SLC8A3: variants seen among roughly 807,000 people sequenced by gnomAD.
SLC8A3 encodes sodium/calcium exchanger 3.
A neutral mutation model predicts 65.4 loss-of-function variants in SLC8A3; 37 were observed. The ratio of observed to expected loss-of-function variants is 0.57; its 90% confidence interval spans 0.44 to 0.74. The LOEUF is 0.74. Among genes scored for constraint, SLC8A3 ranks in the 30% least tolerant of loss-of-function variants. The probability of loss-of-function intolerance (pLI) is 0.00; values close to 1 mark genes in which losing one functional copy is unlikely to be tolerated. For synonymous variants in SLC8A3, 461 were observed against 444.5 expected (o/e 1.04, Z -0.47); for missense variants, 1,112 against 1,172.1 (o/e 0.95, Z 0.75).
At chr14:70,180,622 A>G (rs1882669322) in intron 1 of SLC8A3, among the ~76,000 whole-genome samples, 1 of 152,198 alleles carries the variant, frequency 6.6e-6, no homozygotes, top group Non-Finnish European at 1.5e-5. Flanking sequence ...GGGTAGGTGG[A>G]GCATCTAGAA....
At chr14:70,146,926 C>T (rs774608543) in intron 2 of SLC8A3, among the ~76,000 whole-genome samples, 10 of 152,176 alleles carry the variant, frequency 6.6e-5, no homozygotes, top group East Asian at 1.9e-4. Flanking sequence ...AATGAATCAA[C>T]GTATATATTA....
At chr14:70,098,291 T>C (rs3850424) in intron 2 of SLC8A3, among the ~76,000 whole-genome samples, 139,472 of 152,144 alleles carry the variant, frequency 0.92, 63,994 homozygotes, top group East Asian at 1. Context: ...TTTTCCTTCT[T>C]TTTCTCACTT....
intron 2 of SLC8A3, among the ~76,000 whole-genome samples, chr14:70,097,841 G>C (rs750726700): frequency 8.5e-5 from 13 of 152,166 alleles, no homozygotes; most frequent in Admixed American, 2.0e-4. Flanking sequence ...ACAAGCAAGA[G>C]TTCTCAGAAC....
chr14:70,055,797 TGGAGATAAC>T (rs1888048290), intron 3 of SLC8A3: 1 of 1,610,716 alleles, frequency 6.2e-7, no homozygotes, highest in African/African-American at 1.3e-5. Context: ...ACCTCTTACC[TGGAGATAAC>T]AGGAGCGCTG....
At chr14:70,187,400 T>C (rs1235869831) in intron 1 of SLC8A3, among the ~76,000 whole-genome samples, 1 of 151,370 alleles carries the variant, frequency 6.6e-6, no homozygotes, top group Non-Finnish European at 1.5e-5. Flanking sequence ...ATTAAAGGCA[T>C]TTCTTCTATT....
At chr14:70,094,876 T>A (rs976366898) in intron 2 of SLC8A3, among the ~76,000 whole-genome samples, 1 of 152,170 alleles carries the variant, frequency 6.6e-6, no homozygotes, top group Non-Finnish European at 1.5e-5. Context: ...TCCATGTGAG[T>A]TGAGTATTAT....
intron 2 of SLC8A3, among the ~76,000 whole-genome samples, chr14:70,130,175 G>A (rs746170193): frequency 6.6e-6 from 1 of 152,230 alleles, no homozygotes; most frequent in South Asian, 2.1e-4. Flanking sequence ...ATCGGTAGGA[G>A]CTTCAGACCC....
intron 2 of SLC8A3, among the ~76,000 whole-genome samples, chr14:70,098,726 C>T (rs1892361731): frequency 6.6e-6 from 1 of 152,170 alleles, no homozygotes; most frequent in African/African-American, 2.4e-5. Flanking sequence ...AGGCTAAAGA[C>T]AAATATTTAC....
At chr14:70,147,993 G>A (rs79782142) in intron 2 of SLC8A3, among the ~76,000 whole-genome samples, 7 of 152,232 alleles carry the variant, frequency 4.6e-5, no homozygotes, top group African/African-American at 7.2e-5. Context: ...ACTCAGGATG[G>A]TTCGACCGAC....
intron 2 of SLC8A3, among the ~76,000 whole-genome samples, chr14:70,067,419 C>T (rs1889551868): frequency 6.6e-6 from 1 of 152,126 alleles, no homozygotes; most frequent in South Asian, 2.1e-4. Context: ...AGGCAGTCTC[C>T]AATTCAAGGA....
intron 1 of SLC8A3, among the ~76,000 whole-genome samples, chr14:70,184,017 G>A (rs1348104937): frequency 1.3e-5 from 2 of 152,106 alleles, no homozygotes; most frequent in African/African-American, 2.4e-5. Context: ...TTGCTTCACT[G>A]CAATCTATCT....
At chr14:70,141,218 A>G (rs1404779159) in intron 2 of SLC8A3, among the ~76,000 whole-genome samples, 3 of 152,212 alleles carry the variant, frequency 2.0e-5, no homozygotes, top group Non-Finnish European at 4.4e-5. Flanking sequence ...AGCTTTAACT[A>G]ACATTTGGAA....
intron 4 of SLC8A3, 140 bp downstream of exon 4, chr14:70,051,850 C>T (rs1302262133): frequency 3.1e-6 from 2 of 645,548 alleles, no homozygotes; most frequent in Non-Finnish European, 2.6e-6. Context: ...AATGGGGAAA[C>T]TGAGACCTGG....
chr14:70,062,086 C>CTTTCTT (rs1421156654), intron 2 of SLC8A3, among the ~76,000 whole-genome samples: 1 of 82,832 alleles, frequency 1.2e-5, no homozygotes. Context: ...TAATTTTCTG[C>CTTTCTT]TTTCTTTTTC....
intron 2 of SLC8A3, among the ~76,000 whole-genome samples, chr14:70,102,899 G>C (rs1476325877): frequency 6.6e-6 from 1 of 151,884 alleles, no homozygotes; most frequent in African/African-American, 2.4e-5. Flanking sequence ...ATAATAATTG[G>C]CTTAAATTTT....
chr14:70,092,575 G>T (rs994250386), intron 2 of SLC8A3, among the ~76,000 whole-genome samples: 1 of 152,116 alleles, frequency 6.6e-6, no homozygotes, highest in African/African-American at 2.4e-5. Flanking sequence ...TAACCACATT[G>T]TTCACATGGG....
chr14:70,155,370 C>A lies in SLC8A3; in HGVS notation c.1784+11269G>T, dbSNP rs531398954. Among the ~76,000 whole-genome samples the A allele has an allele frequency of 3.3e-5, 5 of 152,206 alleles. No homozygotes were observed. The East Asian group carries it at 9.7e-4, about 29-fold the overall frequency. On this transcript the variant is annotated intron_variant, in intron 2 of 6. Coordinates refer to ENST00000356921, the MANE Select transcript of SLC8A3 (RefSeq NM_182932.3). ...ATAACTTCACATTGTATCCATTAAC[C>A]AACCTCTCCCTATCCTCCTTCGCAT...
At position 70,155,438 on chromosome 14, in the gene SLC8A3, A is replaced by G. The variant is rs376182796; in HGVS notation, c.1784+11201T>C. Among the ~76,000 whole-genome samples the G allele has an allele frequency of 1.3e-4, 20 of 152,222 alleles. No individual in the cohort carries two copies. The East Asian group carries it at 3.9e-3, about 29-fold the overall frequency. The stretch of plus-strand genomic sequence containing the variant: ...TCTACTCTCTACCTTTTTGAGCTCA[A>G]TATTTTTAGCTCCCACATATGAGTG... On this transcript the variant is annotated intron_variant, in intron 2 of 6. Coordinates refer to ENST00000356921, the MANE Select transcript of SLC8A3 (RefSeq NM_182932.3).
At chr14:70,178,132 C>T (rs556576807) in intron 1 of SLC8A3, among the ~76,000 whole-genome samples, 34 of 152,286 alleles carry the variant, frequency 2.2e-4, no homozygotes, top group African/African-American at 3.1e-4. Context: ...AAGTTCATCC[C>T]GATCCTGAGA....
Sources: allele counts gnomAD v4.1 joint callset (sites outside exome capture counted in the v4.1 genomes callset), GRCh38; gene constraint gnomAD v4.1.1; transcripts MANE v1.5; gene names NCBI Gene and HGNC (gene_info 2026-07-23, HGNC 2026-07-21).